The following MSI2 variants were observed in gnomAD, a reference collection of about 807,000 sequenced individuals.
MSI2 encodes RNA-binding protein Musashi homolog 2.
In MSI2, 17 loss-of-function variants were observed where a neutral mutation model predicts 45.6. The ratio of observed to expected loss-of-function variants is 0.37; its 90% CI spans 0.26 to 0.56. The LOEUF (loss-of-function observed/expected upper bound fraction) is 0.56. Ranked by LOEUF, MSI2 falls within the 20% of genes least tolerant of loss-of-function variation. MSI2 has a pLI of 0.77. For synonymous variants in MSI2, 156 were observed against 158.2 expected (o/e 0.99, Z 0.11); for missense variants, 293 against 444.2 (o/e 0.66, Z 3.06).
chr17:57,281,118 G>A (rs1909380880), intron 5 of MSI2, among the ~76,000 whole-genome samples: 1 of 152,060 alleles, frequency 6.6e-6, no homozygotes, highest in African/African-American at 2.4e-5. Context: ...CATACCAGGT[G>A]TGTGAGGGCT....
At chr17:57,328,629 C>T (rs958899384) in intron 5 of MSI2, among the ~76,000 whole-genome samples, 1 of 152,190 alleles carries the variant, frequency 6.6e-6, no homozygotes, top group African/African-American at 2.4e-5. Context: ...CAGCAGAATG[C>T]TCCATTGTAT....
intron 5 of MSI2, among the ~76,000 whole-genome samples, chr17:57,334,401 G>A (rs1202143174): frequency 6.6e-6 from 1 of 152,140 alleles, no homozygotes; most frequent in Non-Finnish European, 1.5e-5. Context: ...CACTGCTGAA[G>A]GTGGATGTGC....
At chr17:57,331,206 G>A (rs1053334556) in intron 5 of MSI2, among the ~76,000 whole-genome samples, 3 of 152,170 alleles carry the variant, frequency 2.0e-5, no homozygotes, top group Non-Finnish European at 2.9e-5. Context: ...GAGCCACTGC[G>A]CCTGGCCATG....
chr17:57,667,500 C>A (rs1424542909), intron 11 of MSI2, among the ~76,000 whole-genome samples: 1 of 152,162 alleles, frequency 6.6e-6, no homozygotes, highest in Non-Finnish European at 1.5e-5. Context: ...CAGGACAAGC[C>A]CCGTGCCAAT....
chr17:57,432,903 G>A (rs1027702943), intron 6 of MSI2, among the ~76,000 whole-genome samples: 1 of 152,118 alleles, frequency 6.6e-6, no homozygotes, highest in Admixed American at 6.5e-5. Context: ...TCCTTGTCAC[G>A]GTCCCTCTTG....
At chr17:57,366,718 G>A (rs1917223695) in intron 5 of MSI2, among the ~76,000 whole-genome samples, 1 of 152,232 alleles carries the variant, frequency 6.6e-6, no homozygotes, top group Non-Finnish European at 1.5e-5. Flanking sequence ...TATTTCTAAC[G>A]AGTAGCTGTG....
chr17:57,349,440 G>C (rs1915851926), intron 5 of MSI2, among the ~76,000 whole-genome samples: 1 of 152,222 alleles, frequency 6.6e-6, no homozygotes, highest in African/African-American at 2.4e-5. Flanking sequence ...CAGTTGAGGA[G>C]TAACGTTTAA....
At chr17:57,262,489 T>C in intron 5 of MSI2, 1 of 333,566 alleles carries the variant, frequency 3.0e-6, no homozygotes, top group East Asian at 5.0e-5. Context: ...TTTTAAGCAT[T>C]TCCAATATCA....
At chr17:57,468,846 G>A (rs1015221028) in intron 6 of MSI2, among the ~76,000 whole-genome samples, 4 of 152,084 alleles carry the variant, frequency 2.6e-5, no homozygotes, top group Non-Finnish European at 5.9e-5. Flanking sequence ...GCTGTAGGGG[G>A]CCCGAGAGGA....
At chr17:57,614,764 G>T (rs1014239840) in intron 8 of MSI2, among the ~76,000 whole-genome samples, 2 of 152,140 alleles carry the variant, frequency 1.3e-5, no homozygotes, top group African/African-American at 4.8e-5. Flanking sequence ...AGGCGCTCTG[G>T]TAAAACAGTG....
intron 7 of MSI2, among the ~76,000 whole-genome samples, chr17:57,547,873 T>C (rs2087207288): frequency 6.6e-6 from 1 of 151,954 alleles, no homozygotes; most frequent in Non-Finnish European, 1.5e-5. Flanking sequence ...GAACTCTGAG[T>C]AGATTTTATC....
At chr17:57,548,519 T>C (rs2144168366) in intron 7 of MSI2, among the ~76,000 whole-genome samples, 1 of 152,318 alleles carries the variant, frequency 6.6e-6, no homozygotes. Flanking sequence ...TTCCAAGTGA[T>C]AATGTTCGCA....
At chr17:57,470,517 A>C (rs938172321) in intron 6 of MSI2, among the ~76,000 whole-genome samples, 2 of 152,200 alleles carry the variant, frequency 1.3e-5, no homozygotes, top group African/African-American at 2.4e-5. Context: ...ACCTCAGGCG[A>C]TCTGCCCTCC....
At chr17:57,691,198 CTCATCTATCT>C in the MSI2 span, among the ~76,000 whole-genome samples, 12 of 118,956 alleles carry the variant, frequency 1.0e-4, no homozygotes, top group African/African-American at 1.6e-4. Context: ...CTCTCTCTCT[CTCATCTATCT>C]ATCTATCTAT....
At chr17:57,570,769 A>G (rs1226956413) in intron 7 of MSI2, among the ~76,000 whole-genome samples, 1 of 152,236 alleles carries the variant, frequency 6.6e-6, no homozygotes, top group Non-Finnish European at 1.5e-5. Context: ...ACCTGAGTTC[A>G]CAGGGTCGCC....
intron 7 of MSI2, among the ~76,000 whole-genome samples, chr17:57,572,460 C>T (rs916211794): frequency 1.3e-5 from 2 of 152,180 alleles, no homozygotes; most frequent in African/African-American, 4.8e-5. Flanking sequence ...TAGCTTCTGA[C>T]GATTTGCTTT....
At chr17:57,508,776 G>T (rs554346975) in intron 6 of MSI2, among the ~76,000 whole-genome samples, 22 of 152,322 alleles carry the variant, frequency 1.4e-4, no homozygotes, top group Middle Eastern at 3.4e-3. Flanking sequence ...GGAGATGTAG[G>T]GCACCTGCTG....
chr17:57,257,838 GT>G lies in MSI2; in HGVS notation c.185+302del, dbSNP rs200658768. 4.2e-3 allele frequency among the ~76,000 whole-genome samples: 620 copies of G among 148,230 alleles called. 8 individuals are homozygous for G. Among genetic ancestry groups the G allele is most frequent in the East Asian group, 6.5e-3 (33 of 5,088 alleles). On this transcript the variant is annotated intron_variant, in intron 3 of 13. Transcript: ENST00000284073. Reference sequence around the variant, plus strand: ...ATTCAGCTTCATTTACTTTCGCATAGTTTTTTTTTTTCTTTTGATCTTAATG... The same window carrying G: ...ATTCAGCTTCATTTACTTTCGCATAGTTTTTTTTTTCTTTTGATCTTAATG...
At chr17:57,337,918 T>C (rs1283879332) in intron 5 of MSI2, among the ~76,000 whole-genome samples, 1 of 152,226 alleles carries the variant, frequency 6.6e-6, no homozygotes, top group African/African-American at 2.4e-5. Context: ...TGTGTGCATG[T>C]GTATGTGCTT....
Sources: gnomAD v4.1 joint callset for allele counts (sites outside exome capture counted in the v4.1 genomes callset) on GRCh38, gnomAD v4.1.1 for gene constraint, MANE v1.5 for transcripts, NCBI Gene and HGNC (gene_info 2026-07-23, HGNC 2026-07-21) for gene names.